The following CHCHD6 variants were observed in gnomAD, a reference collection of about 807,000 sequenced individuals.
CHCHD6 encodes coiled-coil-helix-coiled-coil-helix domain containing 6.
In CHCHD6, 28 loss-of-function variants were observed where a neutral mutation model predicts 32.3. That is an observed-to-expected ratio of 0.87 (90% CI 0.64 to 1.19). The LOEUF (loss-of-function observed/expected upper bound fraction) is 1.19, where lower values mean the gene tolerates loss of function less well. Among genes scored for constraint, CHCHD6 ranks in the 50% most tolerant of loss-of-function variants. The probability of loss-of-function intolerance (pLI) is 0.00; values close to 1 mark genes in which losing one functional copy is unlikely to be tolerated. For synonymous variants in CHCHD6, 122 were observed against 117.5 expected (o/e 1.04, Z -0.25); for missense variants, 333 against 307.0 (o/e 1.08, Z -0.63).
At position 126,870,811 on chromosome 3, in the gene CHCHD6, C is replaced by T. The variant is rs6777845; in HGVS notation, c.495+18081C>T. 6.7e-3 allele frequency among the ~76,000 whole-genome samples: 1,019 copies of T among 152,348 alleles called. 8 individuals are homozygous for T. Among genetic ancestry groups the T allele is most frequent in the African/African-American group, 0.023 (972 of 41,578 alleles). On this transcript the variant is annotated intron_variant, in intron 5 of 7. Coordinates refer to ENST00000290913, the MANE Select transcript of CHCHD6 (RefSeq NM_032343.3). ...TCAGCAGCCTGGACCGGGCTAGCTT[C>T]TGGGGACTGCATTTCTGGACCATAA...
intron 6 of CHCHD6, among the ~76,000 whole-genome samples, chr3:126,915,738 ACAGT>A (rs1264918530): frequency 1.3e-5 from 2 of 152,216 alleles, no homozygotes; most frequent in African/African-American, 4.8e-5. Context: ...GGACAGACAA[ACAGT>A]CAGCATAGAC....
intron 2 of CHCHD6, among the ~76,000 whole-genome samples, chr3:126,730,229 T>C (rs987091412): frequency 6.6e-6 from 1 of 152,136 alleles, no homozygotes; most frequent in Non-Finnish European, 1.5e-5. Flanking sequence ...CCGCAGCCAC[T>C]CCTGGCCTGT....
At chr3:126,930,263 C>T (rs2078385120) in intron 6 of CHCHD6, among the ~76,000 whole-genome samples, 1 of 152,256 alleles carries the variant, frequency 6.6e-6, no homozygotes, top group Admixed American at 6.5e-5. Flanking sequence ...ATTCAAGACT[C>T]CAGCTTAGGC....
chr3:126,872,779 A>G (rs896219736), intron 5 of CHCHD6, among the ~76,000 whole-genome samples: 1 of 152,298 alleles, frequency 6.6e-6, no homozygotes, highest in African/African-American at 2.4e-5. Flanking sequence ...GCAAAACAGG[A>G]TGTTCTCCAG....
At chr3:126,923,913 G>T (rs954556118) in intron 6 of CHCHD6, among the ~76,000 whole-genome samples, 1 of 152,182 alleles carries the variant, frequency 6.6e-6, no homozygotes, top group Non-Finnish European at 1.5e-5. Context: ...ACTGAACCTG[G>T]AGCCAAGAAG....
At chr3:126,911,991 G>A (rs916012802) in intron 5 of CHCHD6, among the ~76,000 whole-genome samples, 1 of 152,222 alleles carries the variant, frequency 6.6e-6, no homozygotes. Flanking sequence ...AGGATGAATT[G>A]TGGGGGGCGG....
At chr3:126,835,396 C>G (rs1940815980) in intron 4 of CHCHD6, among the ~76,000 whole-genome samples, 1 of 152,208 alleles carries the variant, frequency 6.6e-6, no homozygotes, top group South Asian at 2.1e-4. Flanking sequence ...ACTTCTCTGA[C>G]TCCCTTAACC....
chr3:126,819,972 C>T (rs1940080718), intron 4 of CHCHD6, among the ~76,000 whole-genome samples: 2 of 152,196 alleles, frequency 1.3e-5, no homozygotes, highest in South Asian at 4.1e-4. Flanking sequence ...GAAACTGTAG[C>T]TTAGTGGGAA....
At chr3:126,781,089 G>A (rs1218441299) in intron 4 of CHCHD6, among the ~76,000 whole-genome samples, 1 of 152,142 alleles carries the variant, frequency 6.6e-6, no homozygotes, top group Admixed American at 6.5e-5. Flanking sequence ...ACTAGATTGG[G>A]CACAGCTTCC....
At chr3:126,745,115 C>G (rs1460584741) in intron 4 of CHCHD6, among the ~76,000 whole-genome samples, 1 of 152,186 alleles carries the variant, frequency 6.6e-6, no homozygotes, top group African/African-American at 2.4e-5. Context: ...GCAGGGCCAC[C>G]TCTAGCTGCA....
At chr3:126,861,739 A>ACCG (rs2107557819) in intron 5 of CHCHD6, among the ~76,000 whole-genome samples, 1 of 83,410 alleles carries the variant, frequency 1.2e-5, no homozygotes, top group Non-Finnish European at 2.4e-5. Flanking sequence ...CTTCACTACC[A>ACCG]TCACCACCTC....
intron 7 of CHCHD6, among the ~76,000 whole-genome samples, chr3:126,959,361 G>A (rs756763844): frequency 8.5e-5 from 13 of 152,352 alleles, no homozygotes; most frequent in South Asian, 8.3e-4. Context: ...ATTTGGAGAC[G>A]GCATATTCAA....
At chr3:126,837,661 A>G (rs1940913339) in intron 4 of CHCHD6, among the ~76,000 whole-genome samples, 1 of 152,240 alleles carries the variant, frequency 6.6e-6, no homozygotes, top group African/African-American at 2.4e-5. Context: ...CTGACTGGTA[A>G]TAAATGGTCA....
chr3:126,908,977 G>A (rs1419053908), intron 5 of CHCHD6, among the ~76,000 whole-genome samples: 4 of 152,226 alleles, frequency 2.6e-5, no homozygotes, highest in Non-Finnish European at 4.4e-5. Context: ...GCATGCACAC[G>A]TTGCCACTGC....
chr3:126,742,255 C>A (rs1481585092), intron 4 of CHCHD6, among the ~76,000 whole-genome samples: 2 of 152,166 alleles, frequency 1.3e-5, no homozygotes, highest in African/African-American at 4.8e-5. Context: ...AGCCACAGCC[C>A]AGGTCATACT....
chr3:126,926,778 G>C (rs1353025533), intron 6 of CHCHD6, among the ~76,000 whole-genome samples: 1 of 152,150 alleles, frequency 6.6e-6, no homozygotes, highest in East Asian at 1.9e-4. Flanking sequence ...GATTGGATTT[G>C]TGTTTTAGAA....
Position 126,733,241 on chromosome 3 carries a change from TG to T in CHCHD6, c.411+20del, listed in dbSNP as rs760400772. ...CCGGCTGGTGAGTGCAGATTTTCCC[TG>T]ATCTGGCCTTCTGAGCTGGGCAGCA... On this transcript the variant is annotated intron_variant, in intron 4 of 7. Transcript: ENST00000290913. 6.2e-7 allele frequency: 1 copy of T among 1,608,506 alleles called. No individual in the cohort carries two copies. The highest frequency in any genetic ancestry group is 8.5e-7 in the Non-Finnish European group (1 of 1,177,256).
chr3:126,925,338 T>G (rs1328147298), intron 6 of CHCHD6, among the ~76,000 whole-genome samples: 10 of 152,306 alleles, frequency 6.6e-5, no homozygotes, highest in African/African-American at 2.4e-4. Flanking sequence ...TGGAATTTTA[T>G]TCCTCTGAGA....
chr3:126,909,839 TG>T (rs1317369733), intron 5 of CHCHD6, among the ~76,000 whole-genome samples: 2 of 152,212 alleles, frequency 1.3e-5, no homozygotes, highest in African/African-American at 4.8e-5. Flanking sequence ...TGTCTCTCAG[TG>T]GGCAGCAGGG....
Sources: gnomAD v4.1 joint callset for allele counts (sites outside exome capture counted in the v4.1 genomes callset) on GRCh38, gnomAD v4.1.1 for gene constraint, MANE v1.5 for transcripts, NCBI Gene and HGNC (gene_info 2026-07-23, HGNC 2026-07-21) for gene names.